The following GRID2 variants were observed in gnomAD, a reference collection of about 807,000 sequenced individuals.
GRID2 encodes the protein glutamate ionotropic receptor delta type subunit 2, also known as glutamate receptor ionotropic, delta-2.
GRID2 carries 33 observed loss-of-function variants against 114.8 expected under a neutral mutation model. That is an observed-to-expected ratio of 0.29 (90% CI 0.22 to 0.38). The LOEUF is 0.38. Ranked by LOEUF, GRID2 falls within the 10% of genes least tolerant of loss-of-function variation. The pLI, the probability that GRID2 is intolerant of heterozygous loss-of-function variation, is 1.00. For synonymous variants in GRID2, 505 were observed against 449.9 expected (o/e 1.12, Z -1.55); for missense variants, 1,184 against 1,257.7 (o/e 0.94, Z 0.89).
intron 8 of GRID2, among the ~76,000 whole-genome samples, chr4:93,294,712 C>T (rs1201575499): frequency 6.6e-6 from 1 of 152,050 alleles, no homozygotes; most frequent in African/African-American, 2.4e-5. Flanking sequence ...GCACGTACCA[C>T]CATGCCCAGG....
Position 92,537,784 on chromosome 4 carries a change from GGTGTGT to G in GRID2, c.89-52306_89-52301del, listed in dbSNP as rs70942907. 7.5e-3 allele frequency among the ~76,000 whole-genome samples: 948 copies of G among 125,992 alleles called. 9 individuals carry two copies. The highest frequency in any genetic ancestry group is 0.019 in the African/African-American group (673 of 36,050). The allele number at this position is 125,992 out of a possible 152,430, so 82.7% of individuals were successfully genotyped here. Reference sequence around the variant, plus strand: ...AGTGATCTGCTTTCCAAAAACTTGCGGTGTGTGTGTGTGTGTGTGTGTGTGTGTGTG... The same window carrying G: ...AGTGATCTGCTTTCCAAAAACTTGCGGTGTGTGTGTGTGTGTGTGTGTGTG... On this transcript the variant is annotated intron_variant, in intron 1 of 15. Transcript: ENST00000282020.
chr4:92,835,568 T>A (rs1364976983), intron 2 of GRID2, among the ~76,000 whole-genome samples: 1 of 152,098 alleles, frequency 6.6e-6, no homozygotes, highest in Non-Finnish European at 1.5e-5. Flanking sequence ...GAGGTCCTGT[T>A]GACAAGGCAG....
intron 1 of GRID2, among the ~76,000 whole-genome samples, chr4:92,476,206 T>G (rs1579432249): frequency 6.6e-6 from 1 of 151,990 alleles, no homozygotes; most frequent in African/African-American, 2.4e-5. Flanking sequence ...TTTGTACTTT[T>G]AGTAGAGACC....
At chr4:93,342,627 G>T (rs1044252954) in intron 8 of GRID2, among the ~76,000 whole-genome samples, 2 of 151,950 alleles carry the variant, frequency 1.3e-5, no homozygotes, top group African/African-American at 2.4e-5. Context: ...TGATGAAAGA[G>T]GAATAGGCAC....
chr4:92,553,644 A>G (rs1726705067), intron 1 of GRID2, among the ~76,000 whole-genome samples: 1 of 151,924 alleles, frequency 6.6e-6, no homozygotes, highest in Non-Finnish European at 1.5e-5. Context: ...CCAAATCCTT[A>G]TCATTAACTT....
At chr4:93,079,644 T>C (rs1729672220) in intron 2 of GRID2, among the ~76,000 whole-genome samples, 1 of 152,106 alleles carries the variant, frequency 6.6e-6, no homozygotes, top group South Asian at 2.1e-4. Flanking sequence ...GTCAGAATTT[T>C]CTTACTTGAA....
intron 2 of GRID2, among the ~76,000 whole-genome samples, chr4:93,058,957 A>G (rs567548681): frequency 5.3e-5 from 8 of 152,070 alleles, no homozygotes; most frequent in Non-Finnish European, 1.0e-4. Context: ...ACAGGTGTGT[A>G]TTCAATCTGT....
At chr4:93,213,842 C>T (rs1254665689) in intron 5 of GRID2, among the ~76,000 whole-genome samples, 1 of 152,006 alleles carries the variant, frequency 6.6e-6, no homozygotes, top group African/African-American at 2.4e-5. Flanking sequence ...AGGATTCAAC[C>T]GACATTAAAT....
chr4:93,377,769 T>C (rs571573939), intron 8 of GRID2, among the ~76,000 whole-genome samples: 1 of 152,228 alleles, frequency 6.6e-6, no homozygotes, highest in East Asian at 1.9e-4. Flanking sequence ...TTAGAGAACA[T>C]CTCTGCCAGA....
chr4:92,661,315 A>T (rs76645132), intron 2 of GRID2, among the ~76,000 whole-genome samples: 1 of 151,004 alleles, frequency 6.6e-6, no homozygotes, highest in East Asian at 1.9e-4. Flanking sequence ...AAAAGTATCA[A>T]AAAATCTAAC....
chr4:93,375,989 A>G (rs767647767), intron 8 of GRID2, among the ~76,000 whole-genome samples: 2 of 151,956 alleles, frequency 1.3e-5, no homozygotes, highest in Admixed American at 6.6e-5. Context: ...CAGATGGCCA[A>G]CTTTTCCCTG....
chr4:93,284,934 G>A (rs549239833), intron 8 of GRID2, among the ~76,000 whole-genome samples: 13 of 152,024 alleles, frequency 8.6e-5, no homozygotes, highest in Non-Finnish European at 1.6e-4. Flanking sequence ...GAATGAGTGA[G>A]TGGGTAGGTG....
intron 2 of GRID2, among the ~76,000 whole-genome samples, chr4:92,927,030 A>G (rs2149514999): frequency 6.6e-6 from 1 of 152,024 alleles, no homozygotes; most frequent in African/African-American, 2.4e-5. Context: ...AAAACCCCCA[A>G]ATCTGATACT....
intron 11 of GRID2, among the ~76,000 whole-genome samples, chr4:93,487,660 T>TA (rs1240615599): frequency 2.0e-5 from 3 of 151,982 alleles, no homozygotes; most frequent in Non-Finnish European, 4.4e-5. Flanking sequence ...CTCAGTTTGT[T>TA]AGTTTCTTAG....
chr4:93,505,674 T>A, intron 12 of GRID2, among the ~76,000 whole-genome samples: 1 of 149,140 alleles, frequency 6.7e-6, no homozygotes, highest in Admixed American at 6.7e-5. Flanking sequence ...GGTATATACA[T>A]GTATATTTAT....
chr4:92,460,293 C>G (rs1167443982), intron 1 of GRID2, among the ~76,000 whole-genome samples: 1 of 151,690 alleles, frequency 6.6e-6, no homozygotes, highest in Admixed American at 6.6e-5. Context: ...ACAAGAAGCA[C>G]TGGTGTAAAC....
intron 4 of GRID2, among the ~76,000 whole-genome samples, chr4:93,178,200 C>T (rs2149431737): frequency 6.6e-6 from 1 of 151,784 alleles, no homozygotes; most frequent in South Asian, 2.1e-4. Context: ...TCCTCTTTGT[C>T]ACTCTCTATT....
intron 14 of GRID2, among the ~76,000 whole-genome samples, chr4:93,754,308 A>G (rs1375297154): frequency 6.6e-6 from 1 of 152,138 alleles, no homozygotes; most frequent in Non-Finnish European, 1.5e-5. Flanking sequence ...CTCTTTTTTC[A>G]TCACAACTAC....
chr4:93,076,619 T>C (rs1459854661), intron 2 of GRID2, among the ~76,000 whole-genome samples: 2 of 147,412 alleles, frequency 1.4e-5, no homozygotes, highest in Admixed American at 1.4e-4. Context: ...TCTTTTTTTT[T>C]TTTTTTTTTT....
Sources: allele counts gnomAD v4.1 joint callset (sites outside exome capture counted in the v4.1 genomes callset), GRCh38; gene constraint gnomAD v4.1.1; transcripts MANE v1.5; gene names NCBI Gene and HGNC (gene_info 2026-07-23, HGNC 2026-07-21).